The following GMDS variants were observed in gnomAD, a reference collection of about 807,000 sequenced individuals.
GMDS encodes the protein GDP-mannose 4,6-dehydratase, also known as GDP-mannose 4,6 dehydratase.
In GMDS, 20 loss-of-function variants were observed where a neutral mutation model predicts 49.9. The ratio of observed to expected loss-of-function variants is 0.40; its 90% CI spans 0.28 to 0.58. The LOEUF (loss-of-function observed/expected upper bound fraction) is 0.58. Among genes scored for constraint, GMDS ranks in the 20% least tolerant of loss-of-function variants. The pLI is 0.42. For missense variants in GMDS, 362 were observed against 481.4 expected (o/e 0.75, Z 2.32); for synonymous variants, 177 against 178.6 (o/e 0.99, Z 0.07).
intron 8 of GMDS, among the ~76,000 whole-genome samples, chr6:1,737,043 A>G (rs146678332): frequency 5.8e-4 from 88 of 152,320 alleles, no homozygotes; most frequent in Middle Eastern, 6.8e-3. Flanking sequence ...ATCCATCAGG[A>G]AACAGTGTCA....
At chr6:1,645,502 C>T (rs1302765313) in intron 9 of GMDS, among the ~76,000 whole-genome samples, 1 of 152,230 alleles carries the variant, frequency 6.6e-6, no homozygotes, top group Non-Finnish European at 1.5e-5. Context: ...ACCCTGTCCT[C>T]CTGGAGGTCC....
intron 6 of GMDS, among the ~76,000 whole-genome samples, chr6:1,955,195 G>A (rs1343306373): frequency 1.3e-5 from 2 of 152,052 alleles, no homozygotes; most frequent in African/African-American, 2.4e-5. Flanking sequence ...GCCTAAACTC[G>A]TGTATTTAAG....
chr6:2,182,610 T>G (rs189789100), intron 1 of GMDS, among the ~76,000 whole-genome samples: 1 of 152,322 alleles, frequency 6.6e-6, no homozygotes, highest in African/African-American at 2.4e-5. Context: ...TATGTTTCTG[T>G]GCTATAAATG....
intron 7 of GMDS, among the ~76,000 whole-genome samples, chr6:1,779,717 C>A (rs1346309826): frequency 6.6e-6 from 1 of 152,060 alleles, no homozygotes; most frequent in Non-Finnish European, 1.5e-5. Context: ...CGAACCTGTC[C>A]CTCTAACTGA....
At chr6:2,153,100 T>A (rs568234184) in intron 1 of GMDS, among the ~76,000 whole-genome samples, 10 of 152,298 alleles carry the variant, frequency 6.6e-5, no homozygotes. Context: ...TAGCATCTTT[T>A]AATCAATGGA....
At chr6:1,991,383 G>T (rs1056132120) in intron 4 of GMDS, among the ~76,000 whole-genome samples, 1 of 151,868 alleles carries the variant, frequency 6.6e-6, no homozygotes, top group African/African-American at 2.4e-5. Flanking sequence ...TCCCCACATC[G>T]TCACCCACCC....
chr6:1,624,483 C>G lies in GMDS; in HGVS notation c.1045G>C (p.Val349Leu), dbSNP rs145833671. ...AKQKLNWKPR[V>L]AFDELVREMV... is the part of the protein sequence containing the mutation. ...TAAGAGATACTCACATCGAAAGCGA[C>G]CCGGGGCTTCCAGTTCAGCTTCTGT... The change falls in exon 10 of 11, where the codon GTC becomes CTC. Residue 349 changes from valine to leucine, a missense_variant. Coordinates refer to ENST00000380815, the MANE Select transcript of GMDS (RefSeq NM_001500.4). 8.1e-6 allele frequency: 13 copies of G among 1,613,762 alleles called. No homozygotes were observed. In the African/African-American group the frequency reaches 1.6e-4, roughly 20 times the overall value.
chr6:1,694,266 T>C (rs1765265564), intron 9 of GMDS, among the ~76,000 whole-genome samples: 1 of 152,248 alleles, frequency 6.6e-6, no homozygotes, highest in Non-Finnish European at 1.5e-5. Flanking sequence ...CATAGTGTTT[T>C]AGATGCCGTT....
intron 1 of GMDS, among the ~76,000 whole-genome samples, chr6:2,238,094 T>A (rs1490178336): frequency 6.6e-6 from 1 of 151,990 alleles, no homozygotes; most frequent in African/African-American, 2.4e-5. Context: ...TAAGTCATTT[T>A]TAAGACAAAG....
At chr6:1,690,027 C>T (rs1009247024) in intron 9 of GMDS, among the ~76,000 whole-genome samples, 4 of 152,090 alleles carry the variant, frequency 2.6e-5, no homozygotes, top group African/African-American at 9.7e-5. Context: ...ATCTCTTGAA[C>T]CCGGGAGGCA....
rs546073915 is a variant in GMDS at position 2,066,947 on chromosome 6, T to C, written c.345+48824A>G. On this transcript the variant is annotated intron_variant, in intron 4 of 10. Coordinates refer to ENST00000380815, the MANE Select transcript of GMDS (RefSeq NM_001500.4). The stretch of plus-strand genomic sequence containing the variant: ...CATCTACAGAACCCTCCACCCCAAA[T>C]CAACAGAATATACATTTTTTTCAGC... 1.1e-4 allele frequency among the ~76,000 whole-genome samples: 16 copies of C among 151,952 alleles called. No homozygotes were observed. In the East Asian group the frequency reaches 2.7e-3, roughly 26 times the overall value.
At chr6:1,898,436 G>C (rs1270728369) in intron 7 of GMDS, among the ~76,000 whole-genome samples, 1 of 152,172 alleles carries the variant, frequency 6.6e-6, no homozygotes, top group East Asian at 1.9e-4. Context: ...TTTCATACAA[G>C]TGATGTGATT....
At chr6:2,210,517 AT>A (rs1780016190) in intron 1 of GMDS, among the ~76,000 whole-genome samples, 2 of 152,114 alleles carry the variant, frequency 1.3e-5, no homozygotes, top group East Asian at 3.9e-4. Flanking sequence ...AGACATGAGT[AT>A]GGGGTTCATT....
intron 7 of GMDS, among the ~76,000 whole-genome samples, chr6:1,915,599 G>C (rs1221330840): frequency 6.6e-6 from 1 of 152,190 alleles, no homozygotes; most frequent in Non-Finnish European, 1.5e-5. Flanking sequence ...GACAGTATCT[G>C]TATCTCAGAA....
chr6:1,777,202 G>A (rs1006938154), intron 7 of GMDS, among the ~76,000 whole-genome samples: 12 of 152,246 alleles, frequency 7.9e-5, no homozygotes, highest in African/African-American at 2.9e-4. Flanking sequence ...GCTCCTGCTG[G>A]GTGGCAGAAG....
rs1272654828 is a variant in GMDS, at chr6:1,640,802, G to GA, written c.988-16263dup. Among the ~76,000 whole-genome samples, 3 of 149,508 alleles carry GA rather than the reference G, an allele frequency of 2.0e-5. No individual in the cohort carries two copies. The highest frequency in any genetic ancestry group is 7.4e-5 in the African/African-American group (3 of 40,762). ...GTGGTTACAAGGCCTCTGATAAAAA[G>GA]AAAATTGGGTAATGGGGGGGGTCAC... is the stretch of plus-strand genomic sequence containing the variant. On this transcript the variant is annotated intron_variant, in intron 9 of 10. Coordinates refer to ENST00000380815, the MANE Select transcript of GMDS (RefSeq NM_001500.4). This position sits in a 1 kb window ranked among gnomAD's most constrained non-coding sequence, Gnocchi z 4.0.
At chr6:1,735,821 T>A (rs568443058) in intron 8 of GMDS, among the ~76,000 whole-genome samples, 13 of 152,366 alleles carry the variant, frequency 8.5e-5, no homozygotes, top group African/African-American at 3.1e-4. Context: ...TGTCTTCATA[T>A]TTGCACAGAT....
chr6:2,245,303 C>T lies in GMDS; in HGVS notation c.102+18G>A. 6.7e-7 allele frequency: 1 copy of T among 1,500,620 alleles called. No homozygotes were observed. Among genetic ancestry groups the T allele is most frequent in the Non-Finnish European group, 9.0e-7 (1 of 1,113,562 alleles). The allele number at this position is 1,500,620 out of a possible 1,614,324, so 93.0% of individuals were successfully genotyped here. A position where few individuals can be genotyped will look rare whatever the true frequency, so the allele number is the denominator to read the frequency against. ...GCCCAGGCTGCCTCGGCCGGCGCGC[C>T]CCCGCCCCCGCACTCACCTGGCCTG... is the stretch of plus-strand genomic sequence containing the variant. On this transcript the variant is annotated intron_variant, in intron 1 of 10. Transcript: ENST00000380815.
intron 7 of GMDS, among the ~76,000 whole-genome samples, chr6:1,775,771 C>G (rs984970549): frequency 6.6e-6 from 1 of 152,060 alleles, no homozygotes; most frequent in Non-Finnish European, 1.5e-5. Flanking sequence ...AAACACGGTT[C>G]TTTGAAATAC....
Sources: gnomAD v4.1 joint callset for allele counts (sites outside exome capture counted in the v4.1 genomes callset) on GRCh38, gnomAD v4.1.1 for gene constraint, Gnocchi (gnomAD v3.1) non-coding constraint, MANE v1.5 for transcripts, NCBI Gene and HGNC (gene_info 2026-07-23, HGNC 2026-07-21) for gene names.